The following KAZN variants were observed in gnomAD, a reference collection of about 807,000 sequenced individuals.
KAZN encodes kazrin.
A neutral mutation model predicts 87.4 loss-of-function variants in KAZN; 40 were observed. The observed-to-expected ratio is 0.46, with a 90% CI of 0.36 to 0.60. The LOEUF (loss-of-function observed/expected upper bound fraction) is 0.60. KAZN is among the 20% of genes least tolerant of loss of function. The pLI is 0.00. For synonymous variants in KAZN, 466 were observed against 458.3 expected (o/e 1.02, Z -0.22); for missense variants, 898 against 1,073.9 (o/e 0.84, Z 2.29).
At chr1:15,068,373 T>C (rs1490920694) in intron 8 of KAZN, among the ~76,000 whole-genome samples, 1 of 152,056 alleles carries the variant, frequency 6.6e-6, no homozygotes, top group Admixed American at 6.5e-5. Context: ...GCCCTGACTG[T>C]AATTTGGAGG....
At chr1:13,981,835 G>A (rs1347434623) in intron 1 of KAZN, among the ~76,000 whole-genome samples, 1 of 152,160 alleles carries the variant, frequency 6.6e-6, no homozygotes, top group African/African-American at 2.4e-5. Flanking sequence ...CCTAGAAGAT[G>A]CTGTGATATG....
At chr1:14,944,128 G>A (rs980918668) in intron 1 of KAZN, among the ~76,000 whole-genome samples, 3 of 151,570 alleles carry the variant, frequency 2.0e-5, no homozygotes, top group Admixed American at 2.0e-4. Context: ...CTATGTCAGG[G>A]TCGAGTTTTC....
At chr1:14,753,317 G>A (rs914095160) in intron 1 of KAZN, among the ~76,000 whole-genome samples, 24 of 152,276 alleles carry the variant, frequency 1.6e-4, no homozygotes, top group Middle Eastern at 3.4e-3. Context: ...TGTTTATGAG[G>A]AGAAACTAGG....
chr1:14,987,016 G>T (rs546214335), intron 2 of KAZN, among the ~76,000 whole-genome samples: 1 of 152,162 alleles, frequency 6.6e-6, no homozygotes, highest in African/African-American at 2.4e-5. Context: ...GGCACTGAGG[G>T]TATCGAGTCC....
intron 1 of KAZN, among the ~76,000 whole-genome samples, chr1:14,043,658 G>A (rs575327361): frequency 2.0e-5 from 3 of 151,804 alleles, no homozygotes; most frequent in Non-Finnish European, 2.9e-5. Flanking sequence ...GAGTATGAAC[G>A]TAATAGACTT....
chr1:14,990,503 C>T (rs1227386961), intron 2 of KAZN, among the ~76,000 whole-genome samples: 5 of 152,198 alleles, frequency 3.3e-5, no homozygotes, highest in African/African-American at 1.2e-4. Flanking sequence ...TGATGACGGG[C>T]ATGAGCCACC....
At chr1:13,928,619 T>C (rs12127981) in intron 1 of KAZN, among the ~76,000 whole-genome samples, 19,171 of 152,092 alleles carry the variant, frequency 0.13, 1,282 homozygotes, top group South Asian at 0.21. Flanking sequence ...ATTAACATAA[T>C]AAAAAATTCA....
At chr1:14,546,113 G>A (rs1156916236) in intron 2 of KAZN, among the ~76,000 whole-genome samples, 3 of 152,156 alleles carry the variant, frequency 2.0e-5, no homozygotes, top group Non-Finnish European at 4.4e-5. Flanking sequence ...GTGAAAAAGG[G>A]TAGGTTCCTG....
rs946477615 is a variant in KAZN, at chr1:14,753,483, T to C, written c.226+154260T>C. Among the ~76,000 whole-genome samples, 3 of 151,952 alleles carry C rather than the reference T, an allele frequency of 2.0e-5. No homozygotes were observed. The East Asian group carries it at 5.8e-4, about 29-fold the overall frequency. Reference sequence around the variant, plus strand: ...GGCTCACACCTATAATCCCAACACTTTGGGAGGCTGAGGCTTGCATATTGC... The same window carrying C: ...GGCTCACACCTATAATCCCAACACTCTGGGAGGCTGAGGCTTGCATATTGC... On this transcript the variant is annotated intron_variant, in intron 1 of 14. Transcript: ENST00000376030.
At chr1:14,804,264 G>A (rs952067888) in intron 1 of KAZN, among the ~76,000 whole-genome samples, 13 of 152,246 alleles carry the variant, frequency 8.5e-5, no homozygotes, top group African/African-American at 3.1e-4. Flanking sequence ...TTAATTCAGA[G>A]GATCTGGCAG....
chr1:14,284,109 G>A (rs983933557), intron 2 of KAZN, among the ~76,000 whole-genome samples: 2 of 151,912 alleles, frequency 1.3e-5, no homozygotes, highest in Admixed American at 6.6e-5. Context: ...ATGGGAGATC[G>A]GGGCTGGGGG....
At chr1:14,979,676 G>T (rs537699500) in intron 2 of KAZN, among the ~76,000 whole-genome samples, 1 of 152,124 alleles carries the variant, frequency 6.6e-6, no homozygotes, top group African/African-American at 2.4e-5. Context: ...GGGGCCCTGA[G>T]GACTTGTGGG....
chr1:14,109,526 C>T (rs1644451924), intron 1 of KAZN, among the ~76,000 whole-genome samples: 1 of 152,186 alleles, frequency 6.6e-6, no homozygotes, highest in South Asian at 2.1e-4. Context: ...CTTATAACCT[C>T]ACTCCTTTCT....
chr1:14,221,429 A>G (rs1647095189), intron 2 of KAZN, among the ~76,000 whole-genome samples: 1 of 152,122 alleles, frequency 6.6e-6, no homozygotes, highest in Non-Finnish European at 1.5e-5. Flanking sequence ...GATGTTTGCA[A>G]TCACGATCCA....
At chr1:14,463,830 T>C (rs1357841089) in intron 2 of KAZN, among the ~76,000 whole-genome samples, 1 of 152,206 alleles carries the variant, frequency 6.6e-6, no homozygotes, top group Non-Finnish European at 1.5e-5. Context: ...AAAGTCCTGC[T>C]ACTCTCAATG....
chr1:14,141,000 C>T (rs1645223354), intron 1 of KAZN, among the ~76,000 whole-genome samples: 1 of 152,068 alleles, frequency 6.6e-6, no homozygotes, highest in Non-Finnish European at 1.5e-5. Flanking sequence ...GGGCAGGTGC[C>T]CAGGCCCAAC....
In KAZN at chr1:14,457,822, TTG is replaced by T. The variant is rs758181167; in HGVS notation, c.250-141159_250-141158del. Among the ~76,000 whole-genome samples the T allele has an allele frequency of 4.1e-4, 61 of 149,524 alleles. 1 individual carries two copies. Among genetic ancestry groups the T allele is most frequent in the African/African-American group, 1.3e-3 (51 of 39,824 alleles). On this transcript the variant is annotated intron_variant, in intron 2 of 16. Coordinates refer to the KAZN transcript ENST00000636203. ...TTCTTTTTTGTTGTTGTTTTTTGTTTTGTTTTTTTTTTTGAAACGGAATCTCG... is the reference window on the plus strand; with the variant it reads ...TTCTTTTTTGTTGTTGTTTTTTGTTTTTTTTTTTTTTGAAACGGAATCTCG...
intron 1 of KAZN, among the ~76,000 whole-genome samples, chr1:14,887,515 T>C (rs1188060220): frequency 6.6e-6 from 1 of 152,248 alleles, no homozygotes; most frequent in East Asian, 1.9e-4. Context: ...CTAGTTTGTC[T>C]GCCTACGCAG....
At chr1:14,117,030 A>T (rs1644638201) in intron 1 of KAZN, among the ~76,000 whole-genome samples, 1 of 152,096 alleles carries the variant, frequency 6.6e-6, no homozygotes, top group Non-Finnish European at 1.5e-5. Context: ...GAAGTAACTA[A>T]CTTGCTTTTG....
Sources: allele counts gnomAD v4.1 joint callset (sites outside exome capture counted in the v4.1 genomes callset), GRCh38; gene constraint gnomAD v4.1.1; transcripts MANE v1.5; gene names NCBI Gene and HGNC (gene_info 2026-07-23, HGNC 2026-07-21).